DIAPH3: variants seen among roughly 807,000 people sequenced by gnomAD.
DIAPH3 encodes the protein diaphanous related formin 3.
A neutral mutation model predicts 144.3 loss-of-function variants in DIAPH3; 117 were observed. The observed-to-expected ratio is 0.81, with a 90% confidence interval of 0.70 to 0.95. The LOEUF (loss-of-function observed/expected upper bound fraction) is 0.95, where lower values mean the gene tolerates loss of function less well. DIAPH3 is among the 40% of genes least tolerant of loss of function. The probability of loss-of-function intolerance (pLI) is 0.00; values close to 1 mark genes in which losing one functional copy is unlikely to be tolerated. For missense variants in DIAPH3, 1,421 were observed against 1,412.7 expected (o/e 1.01, Z -0.09); for synonymous variants, 519 against 488.9 (o/e 1.06, Z -0.81).
intron 27 of DIAPH3, among the ~76,000 whole-genome samples, chr13:59,741,414 T>C (rs2036439103): frequency 6.6e-6 from 1 of 152,122 alleles, no homozygotes; most frequent in Admixed American, 6.6e-5. Flanking sequence ...TTTACGTGTA[T>C]CTCAGAGAGA....
At chr13:59,819,932 G>A (rs2040973022) in intron 24 of DIAPH3, among the ~76,000 whole-genome samples, 1 of 151,872 alleles carries the variant, frequency 6.6e-6, no homozygotes, top group East Asian at 1.9e-4. Flanking sequence ...AATAGTGCCT[G>A]CAATACAAGG....
chr13:59,737,144 C>T (rs1280484482), intron 27 of DIAPH3, among the ~76,000 whole-genome samples: 1 of 152,048 alleles, frequency 6.6e-6, no homozygotes, highest in Non-Finnish European at 1.5e-5. Context: ...AAACAATTGA[C>T]AAATGGAATC....
chr13:59,960,582 A>G (rs1594134782), intron 17 of DIAPH3, among the ~76,000 whole-genome samples: 2 of 152,202 alleles, frequency 1.3e-5, no homozygotes, highest in Admixed American at 1.3e-4. Context: ...CTATGCCTTA[A>G]TTCAACCCAG....
At chr13:59,770,855 T>A (rs139280226) in intron 27 of DIAPH3, among the ~76,000 whole-genome samples, 107 of 152,310 alleles carry the variant, frequency 7.0e-4, no homozygotes, top group African/African-American at 2.4e-3. Flanking sequence ...AAATCTTAAG[T>A]GCCTAGCAAC....
At chr13:59,793,763 C>A (rs1488531196) in intron 25 of DIAPH3, among the ~76,000 whole-genome samples, 1 of 152,164 alleles carries the variant, frequency 6.6e-6, no homozygotes, top group Non-Finnish European at 1.5e-5. Flanking sequence ...TTCCTGAGTT[C>A]CAACTAGGGT....
intron 21 of DIAPH3, among the ~76,000 whole-genome samples, chr13:59,872,695 A>G (rs536161499): frequency 1.5e-4 from 23 of 152,330 alleles, no homozygotes; most frequent in Admixed American, 6.5e-4. Context: ...TTTATTTTTC[A>G]TTTATAAAAT....
chr13:60,133,072 C>T (rs2059183840), intron 1 of DIAPH3, 83 bp from the exon 2 acceptor site: 1 of 928,362 alleles, frequency 1.1e-6, no homozygotes, highest in Non-Finnish European at 1.7e-6. Context: ...CAAAATTCTA[C>T]AATCCTAACT....
intron 27 of DIAPH3, among the ~76,000 whole-genome samples, chr13:59,763,430 A>C (rs1055717134): frequency 1.3e-5 from 2 of 152,098 alleles, no homozygotes; most frequent in Admixed American, 1.3e-4. Flanking sequence ...GAATCCCAGC[A>C]CTTTGGGAGG....
At chr13:59,687,760 T>A (rs2033292290) in intron 27 of DIAPH3, among the ~76,000 whole-genome samples, 1 of 152,076 alleles carries the variant, frequency 6.6e-6, no homozygotes, top group African/African-American at 2.4e-5. Context: ...GGATGATTAT[T>A]CGATGAACTG....
intron 15 of DIAPH3, among the ~76,000 whole-genome samples, chr13:59,971,745 G>C (rs2050392930): frequency 6.6e-6 from 1 of 152,188 alleles, no homozygotes; most frequent in African/African-American, 2.4e-5. Flanking sequence ...AGTATATCAT[G>C]ATCTAGTCCC....
chr13:60,023,169 C>G (rs2054141197), intron 5 of DIAPH3, among the ~76,000 whole-genome samples: 1 of 152,188 alleles, frequency 6.6e-6, no homozygotes, highest in Non-Finnish European at 1.5e-5. Flanking sequence ...AAATCACCTG[C>G]ACCTGAAGAT....
intron 20 of DIAPH3, among the ~76,000 whole-genome samples, chr13:59,887,090 T>C (rs2045500995): frequency 6.6e-6 from 1 of 152,012 alleles, no homozygotes; most frequent in African/African-American, 2.4e-5. Context: ...GTTTGTTGAG[T>C]TTTTTCATAA....
chr13:60,123,169 C>T (rs1004368246), intron 2 of DIAPH3, among the ~76,000 whole-genome samples: 2 of 152,104 alleles, frequency 1.3e-5, no homozygotes, highest in East Asian at 3.9e-4. Flanking sequence ...CCAACCTGTC[C>T]TTCAAAACTC....
intron 27 of DIAPH3, among the ~76,000 whole-genome samples, chr13:59,713,242 T>C (rs996713178): frequency 5.3e-5 from 8 of 152,074 alleles, no homozygotes; most frequent in Non-Finnish European, 7.4e-5. Context: ...CTGAAGGTTT[T>C]TTTTTTTTTT....
chr13:60,084,361 C>T (rs1424787731), intron 4 of DIAPH3, among the ~76,000 whole-genome samples: 1 of 151,436 alleles, frequency 6.6e-6, no homozygotes, highest in Non-Finnish European at 1.5e-5. Flanking sequence ...TTTCTAAAAC[C>T]CTAGTTTCTA....
chr13:59,737,855 C>T (rs564046650), intron 27 of DIAPH3, among the ~76,000 whole-genome samples: 1 of 152,186 alleles, frequency 6.6e-6, no homozygotes, highest in Non-Finnish European at 1.5e-5. Context: ...ATATACAAGG[C>T]CTATCTTCTT....
At chr13:60,033,368 G>T (rs188918137) in intron 5 of DIAPH3, among the ~76,000 whole-genome samples, 3 of 152,008 alleles carry the variant, frequency 2.0e-5, no homozygotes, top group African/African-American at 7.2e-5. Context: ...AGCAATTCTT[G>T]CATTTCTATA....
intron 1 of DIAPH3, among the ~76,000 whole-genome samples, chr13:60,140,862 T>C (rs984734941): frequency 3.3e-5 from 5 of 152,160 alleles, no homozygotes; most frequent in African/African-American, 7.2e-5. Flanking sequence ...TTTAATAGGC[T>C]AGTTTTTTAA....
intron 18 of DIAPH3, among the ~76,000 whole-genome samples, chr13:59,921,444 T>A (rs893200347): frequency 1.1e-4 from 16 of 151,890 alleles, no homozygotes; most frequent in African/African-American, 3.6e-4. Flanking sequence ...CTATTTTGAA[T>A]AATTTCTTAT....
Sources: gnomAD v4.1 joint callset for allele counts (sites outside exome capture counted in the v4.1 genomes callset) on GRCh38, gnomAD v4.1.1 for gene constraint, MANE v1.5 for transcripts, NCBI Gene and HGNC (gene_info 2026-07-23, HGNC 2026-07-21) for gene names.